The following NALCN variants were observed in gnomAD, a reference collection of about 807,000 sequenced individuals.
NALCN encodes sodium leak channel, non-selective, also known as sodium leak channel NALCN.
Under a neutral mutation model 225.3 loss-of-function variants are expected in NALCN, and 111 were observed. The observed-to-expected ratio is 0.49, with a 90% CI of 0.42 to 0.58. NALCN has a LOEUF of 0.58. Among genes scored for constraint, NALCN ranks in the 20% least tolerant of loss-of-function variants. The pLI, the probability that NALCN is intolerant of heterozygous loss-of-function variation, is 0.00. For missense variants in NALCN, 1,378 were observed against 2,202.4 expected, an observed-to-expected ratio of 0.63 and a Z score of 7.49; for synonymous variants, 764 against 769.0, an observed-to-expected ratio of 0.99 and a Z score of 0.11.
intron 10 of NALCN, among the ~76,000 whole-genome samples, chr13:101,282,679 C>A (rs1376595792): frequency 6.6e-6 from 1 of 152,276 alleles, no homozygotes; most frequent in Non-Finnish European, 1.5e-5. Flanking sequence ...GAGGTAACTA[C>A]TGAATATATG....
chr13:101,082,808 C>T lies in NALCN; in HGVS notation c.3765+1G>A. ...CAGAGCTAGCTGACTCATTACAGTA[C>T]CTCCAGAACAAAGATGAAGGTGAAA... On this transcript the variant is annotated splice_donor_variant, in intron 33 of 43. Transcript: ENST00000251127. LOFTEE classifies it high-confidence loss of function. The T allele has an allele frequency of 6.2e-7, 1 of 1,614,066 alleles. No homozygotes were observed. Among genetic ancestry groups the T allele is most frequent in the Non-Finnish European group, 8.5e-7 (1 of 1,179,978 alleles).
At chr13:101,196,286 C>A (rs1487824497) in intron 13 of NALCN, among the ~76,000 whole-genome samples, 1 of 152,130 alleles carries the variant, frequency 6.6e-6, no homozygotes, top group African/African-American at 2.4e-5. Flanking sequence ...CTTCCAGATT[C>A]TCACACATTA....
intron 7 of NALCN, among the ~76,000 whole-genome samples, chr13:101,326,649 C>T (rs2044961998): frequency 6.6e-6 from 1 of 152,062 alleles, no homozygotes; most frequent in African/African-American, 2.4e-5. Context: ...TGTCATGACC[C>T]CCCTTCTTTG....
At chr13:101,329,624 T>C (rs1384939113) in intron 7 of NALCN, among the ~76,000 whole-genome samples, 4 of 152,188 alleles carry the variant, frequency 2.6e-5, no homozygotes, top group South Asian at 4.1e-4. Flanking sequence ...TTTTAAGAAC[T>C]AATGCTTAAT....
At position 101,260,645 on chromosome 13, in the gene NALCN, G is replaced by A. The variant is rs186456355; in HGVS notation, c.1135-2071C>T. Among the ~76,000 whole-genome samples the A allele has an allele frequency of 4.9e-4, 74 of 152,162 alleles. 2 individuals are homozygous for A. The highest frequency in any genetic ancestry group is 1.7e-3 in the African/African-American group (71 of 41,516). ...AATGATGTTGAACACCTTTTCATAT[G>A]CCTGTTTGTGTCATTTGTATGTCTT... On this transcript the variant is annotated intron_variant, in intron 10 of 43. Transcript: ENST00000251127.
At chr13:101,322,783 G>T (rs2044795587) in intron 7 of NALCN, among the ~76,000 whole-genome samples, 2 of 151,948 alleles carry the variant, frequency 1.3e-5, no homozygotes, top group African/African-American at 4.8e-5. Flanking sequence ...CATGATCTCG[G>T]CTCACTGCAA....
intron 10 of NALCN, among the ~76,000 whole-genome samples, chr13:101,277,484 G>A (rs952571710): frequency 8.6e-5 from 13 of 151,824 alleles, no homozygotes; most frequent in African/African-American, 2.2e-4. Context: ...CATTTATTCC[G>A]TGAGTCACCC....
At position 101,083,685 on chromosome 13, in the gene NALCN, G is replaced by T. The variant is rs199933020; in HGVS notation, c.3583+26C>A. On this transcript the variant is annotated intron_variant, in intron 31 of 43. Coordinates refer to ENST00000251127, the MANE Select transcript of NALCN (RefSeq NM_052867.4). ...AATCGTGCACACTAGTGCCCAACATGAATAAAATCAGAGCATTTTGGGTAC... is the reference window on the plus strand; with the variant it reads ...AATCGTGCACACTAGTGCCCAACATTAATAAAATCAGAGCATTTTGGGTAC... 171 of 1,607,522 alleles carry T rather than the reference G, an allele frequency of 1.1e-4. No individual in the cohort carries two copies. The African/African-American group carries it at 2.1e-3, about 20-fold the overall frequency.
chr13:101,128,495 C>T (rs969677211), intron 17 of NALCN, among the ~76,000 whole-genome samples: 2 of 152,102 alleles, frequency 1.3e-5, no homozygotes, highest in Non-Finnish European at 2.9e-5. Flanking sequence ...ACATGTTACC[C>T]TTTTTTCCCC....
chr13:101,081,688 T>C (rs764543506), intron 33 of NALCN, 42 bp from the exon 34 acceptor site: 1 of 1,605,324 alleles, frequency 6.2e-7, no homozygotes, highest in Admixed American at 1.7e-5. Context: ...AGAGAGTGTT[T>C]AGTACATATT....
intron 22 of NALCN, among the ~76,000 whole-genome samples, chr13:101,106,973 T>C (rs1365637709): frequency 1.3e-5 from 2 of 152,192 alleles, no homozygotes; most frequent in African/African-American, 2.4e-5. Context: ...TTACGGCTTC[T>C]TACACATTTC....
chr13:101,227,097 G>A (rs2041173217), intron 13 of NALCN, among the ~76,000 whole-genome samples: 1 of 152,184 alleles, frequency 6.6e-6, no homozygotes, highest in Non-Finnish European at 1.5e-5. Flanking sequence ...TACTGTTGCA[G>A]TGAGGGAACA....
chr13:101,277,354 G>T (rs533292700), intron 10 of NALCN, among the ~76,000 whole-genome samples: 2 of 152,156 alleles, frequency 1.3e-5, no homozygotes, highest in South Asian at 2.1e-4. Context: ...GCTGAGTTAT[G>T]ATTTTAACAT....
At chr13:101,272,782 G>C (rs1249221551) in intron 10 of NALCN, among the ~76,000 whole-genome samples, 1 of 152,110 alleles carries the variant, frequency 6.6e-6, no homozygotes, top group Non-Finnish European at 1.5e-5. Flanking sequence ...CATTCTCATG[G>C]GCTCCATCAA....
chr13:101,094,642 C>T (rs546456627), intron 28 of NALCN, among the ~76,000 whole-genome samples: 1 of 151,966 alleles, frequency 6.6e-6, no homozygotes, highest in East Asian at 1.9e-4. Flanking sequence ...AGCCACATAC[C>T]CCAAATGAAT....
chr13:101,084,128 A>C (rs2033812655), intron 30 of NALCN, among the ~76,000 whole-genome samples: 1 of 152,224 alleles, frequency 6.6e-6, no homozygotes, highest in Non-Finnish European at 1.5e-5. Flanking sequence ...CACTAATAGT[A>C]GTTAGTTTCC....
At chr13:101,308,852 C>A (rs563558299) in intron 7 of NALCN, among the ~76,000 whole-genome samples, 1 of 152,240 alleles carries the variant, frequency 6.6e-6, no homozygotes, top group South Asian at 2.1e-4. Context: ...ACTCTACTAA[C>A]CTTGCCCTAA....
intron 13 of NALCN, among the ~76,000 whole-genome samples, chr13:101,226,467 C>G (rs1242835852): frequency 6.6e-6 from 1 of 152,192 alleles, no homozygotes. Context: ...GTGTTTCTTA[C>G]CTCTTTAACT....
chr13:101,085,634 T>C (rs9585622), intron 30 of NALCN, among the ~76,000 whole-genome samples: 10,463 of 152,236 alleles, frequency 0.069, 407 homozygotes, highest in South Asian at 0.11. Flanking sequence ...CACATTATAA[T>C]ACATGAATTG....
Sources: gnomAD v4.1 joint callset for allele counts (sites outside exome capture counted in the v4.1 genomes callset) on GRCh38, gnomAD v4.1.1 for gene constraint, MANE v1.5 for transcripts, NCBI Gene and HGNC (gene_info 2026-07-23, HGNC 2026-07-21) for gene names.